The following TTC39C variants were observed in gnomAD, a reference collection of about 807,000 sequenced individuals.
TTC39C encodes the protein tetratricopeptide repeat protein 39C.
A neutral mutation model predicts 76.3 loss-of-function variants in TTC39C; 33 were observed. The observed-to-expected ratio is 0.43, with a 90% confidence interval of 0.33 to 0.58. The LOEUF (loss-of-function observed/expected upper bound fraction) is 0.58. Ranked by LOEUF, TTC39C falls within the 20% of genes least tolerant of loss-of-function variation. The pLI is 0.04. For missense variants in TTC39C, 595 were observed against 701.4 expected, an observed-to-expected ratio of 0.85 and a Z score of 1.71; for synonymous variants, 254 against 260.6, an observed-to-expected ratio of 0.97 and a Z score of 0.24.
intron 1 of TTC39C, among the ~76,000 whole-genome samples, chr18:24,034,259 C>T (rs1269369277): frequency 3.3e-5 from 5 of 152,170 alleles, no homozygotes; most frequent in East Asian, 3.9e-4. Flanking sequence ...GTTCAAAGTA[C>T]GACAGAGATG....
chr18:24,029,435 A>G (rs1464477701), intron 1 of TTC39C, among the ~76,000 whole-genome samples: 1 of 152,272 alleles, frequency 6.6e-6, no homozygotes, highest in Non-Finnish European at 1.5e-5. Context: ...GCATTCCTGC[A>G]GTTTGTAGAT....
intron 4 of TTC39C, among the ~76,000 whole-genome samples, chr18:24,074,749 C>T (rs1383812545): frequency 6.6e-6 from 1 of 152,180 alleles, no homozygotes; most frequent in East Asian, 1.9e-4. Context: ...GTGGCGACTC[C>T]TCAGGGATCT....
chr18:24,032,926 C>T (rs2083688441), intron 1 of TTC39C, among the ~76,000 whole-genome samples: 1 of 152,172 alleles, frequency 6.6e-6, no homozygotes, highest in Non-Finnish European at 1.5e-5. Context: ...TTCGTTTTAA[C>T]CAGCTTTAGA....
intron 6 of TTC39C, among the ~76,000 whole-genome samples, chr18:24,111,883 C>G (rs1463487630): frequency 2.7e-5 from 4 of 149,958 alleles, no homozygotes; most frequent in Non-Finnish European, 4.4e-5. Flanking sequence ...GCATGGGAGA[C>G]AGAGCAAGAC....
intron 4 of TTC39C, among the ~76,000 whole-genome samples, chr18:24,079,021 T>A (rs2084342360): frequency 6.6e-6 from 1 of 152,216 alleles, no homozygotes; most frequent in South Asian, 2.1e-4. Flanking sequence ...CAGATTTTAT[T>A]TTATTTCATA....
At chr18:24,094,037 G>A (rs2084559653) in intron 6 of TTC39C, among the ~76,000 whole-genome samples, 1 of 152,092 alleles carries the variant, frequency 6.6e-6, no homozygotes, top group African/African-American at 2.4e-5. Context: ...CCTACAGTAG[G>A]ACTTCTTTCA....
At chr18:24,010,740 C>T (rs764845652), upstream of TTC39C, among the ~76,000 whole-genome samples, 11 of 152,160 alleles carry the variant, frequency 7.2e-5, no homozygotes, top group Non-Finnish European at 1.3e-4. Context: ...CTTTATTCTT[C>T]GAATGCATTT....
chr18:24,080,518 C>A, intron 4 of TTC39C, 67 bp from the exon 5 acceptor site: 1 of 1,236,718 alleles, frequency 8.1e-7, no homozygotes. Flanking sequence ...TGTTCAGTAT[C>A]CTTTACTATA....
chr18:24,019,086 T>C (rs913929686), intron 1 of TTC39C, among the ~76,000 whole-genome samples: 3 of 152,168 alleles, frequency 2.0e-5, no homozygotes, highest in South Asian at 2.1e-4. Flanking sequence ...GCTTGACATA[T>C]TACTTTTTAA....
chr18:24,042,755 T>C (rs1490235883), intron 1 of TTC39C, among the ~76,000 whole-genome samples: 27 of 152,190 alleles, frequency 1.8e-4, no homozygotes, highest in Admixed American at 1.8e-3. Flanking sequence ...TATGATACAA[T>C]TTAAGATGTA....
intron 1 of TTC39C, among the ~76,000 whole-genome samples, chr18:23,998,323 T>TCTGTGGATTC (rs2083285047): frequency 6.6e-6 from 1 of 152,214 alleles, no homozygotes; most frequent in African/African-American, 2.4e-5. Flanking sequence ...TACTGGAACC[T>TCTGTGGATTC]AATTTTAAAC....
intron 8 of TTC39C, among the ~76,000 whole-genome samples, chr18:24,123,322 C>T (rs1287434768): frequency 2.0e-5 from 3 of 152,192 alleles, no homozygotes; most frequent in African/African-American, 7.2e-5. Context: ...TCTGGGAACA[C>T]AGGAACCTGG....
chr18:24,045,234 A>C (rs1317890565), intron 1 of TTC39C, among the ~76,000 whole-genome samples: 1 of 129,102 alleles, frequency 7.7e-6, no homozygotes, highest in African/African-American at 2.9e-5. Flanking sequence ...ATGCCACTGC[A>C]CTCCAGCCTG....
At chr18:24,072,543 C>T (rs1395464478) in intron 4 of TTC39C, among the ~76,000 whole-genome samples, 5 of 152,196 alleles carry the variant, frequency 3.3e-5, no homozygotes, top group African/African-American at 7.2e-5. Context: ...GTGATCCATC[C>T]GCCTTGGTCT....
chr18:24,114,305 C>T (rs1360250337), intron 6 of TTC39C: 2 of 271,078 alleles, frequency 7.4e-6, no homozygotes, highest in African/African-American at 5.5e-5. Flanking sequence ...GGAGAGAACG[C>T]TGGAGGAGAA....
chr18:24,045,895 ATATATATATAT>A (rs1568417207), intron 1 of TTC39C, among the ~76,000 whole-genome samples: 471 of 42,270 alleles, frequency 0.011, 10 homozygotes, highest in East Asian at 0.04. Flanking sequence ...CTGTGAAAAT[ATATATATATAT>A]ATATATATAT....
At chr18:24,018,285 C>T (rs2083478217) in intron 1 of TTC39C, among the ~76,000 whole-genome samples, 1 of 152,118 alleles carries the variant, frequency 6.6e-6, no homozygotes, top group Admixed American at 6.6e-5. Flanking sequence ...AACCCAAGTC[C>T]ATGTGTTTGT....
At chr18:24,075,325 A>C (rs550714546) in intron 4 of TTC39C, among the ~76,000 whole-genome samples, 2 of 152,138 alleles carry the variant, frequency 1.3e-5, no homozygotes, top group East Asian at 3.9e-4. Flanking sequence ...CTGTTGGTGA[A>C]GGTTGAAGAT....
intron 1 of TTC39C, chr18:24,022,964 TG>T: frequency 2.5e-6 from 2 of 801,962 alleles, no homozygotes; most frequent in African/African-American, 3.7e-5. Flanking sequence ...GCATCAAAAT[TG>T]TTTACACATC....
Sources: allele counts gnomAD v4.1 joint callset (sites outside exome capture counted in the v4.1 genomes callset), GRCh38; gene constraint gnomAD v4.1.1; transcripts MANE v1.5; gene names NCBI Gene and HGNC (gene_info 2026-07-23, HGNC 2026-07-21).